The following TRAPPC9 variants were observed in gnomAD, a reference collection of about 807,000 sequenced individuals.
TRAPPC9 encodes IKK2 binding protein.
TRAPPC9 carries 83 observed loss-of-function variants against 124.0 expected under a neutral mutation model. The ratio of observed to expected loss-of-function variants is 0.67; its 90% confidence interval spans 0.56 to 0.80. The LOEUF is 0.80. TRAPPC9 is among the 30% of genes least tolerant of loss of function. TRAPPC9 has a pLI of 0.00. For synonymous variants in TRAPPC9, 638 were observed against 617.5 expected (o/e 1.03, Z -0.49); for missense variants, 1,302 against 1,508.3 (o/e 0.86, Z 2.27).
chr8:140,085,946 C>T (rs931285085), intron 17 of TRAPPC9, among the ~76,000 whole-genome samples: 2 of 151,854 alleles, frequency 1.3e-5, no homozygotes, highest in Non-Finnish European at 1.5e-5. Context: ...TTAGGAATCA[C>T]TGTGGTTTTT....
At chr8:140,276,275 A>G (rs1375944126) in intron 14 of TRAPPC9, among the ~76,000 whole-genome samples, 1 of 152,208 alleles carries the variant, frequency 6.6e-6, no homozygotes, top group African/African-American at 2.4e-5. Flanking sequence ...AGCTGCTAAC[A>G]TAGAGCTGAG....
chr8:140,021,806 C>T (rs1839852274), intron 18 of TRAPPC9, among the ~76,000 whole-genome samples: 1 of 152,232 alleles, frequency 6.6e-6, no homozygotes, highest in Admixed American at 6.5e-5. Context: ...TGCCAAGTCA[C>T]ACTCAGAAAA....
chr8:140,111,851 T>G (rs1336753159), intron 17 of TRAPPC9, among the ~76,000 whole-genome samples: 1 of 152,244 alleles, frequency 6.6e-6, no homozygotes, highest in Non-Finnish European at 1.5e-5. Flanking sequence ...CCTTAAAATA[T>G]TTATGGCTTT....
intron 17 of TRAPPC9, among the ~76,000 whole-genome samples, chr8:140,052,112 G>A (rs1842036550): frequency 6.6e-6 from 1 of 151,906 alleles, no homozygotes; most frequent in African/African-American, 2.4e-5. Context: ...TGGCAAAGAG[G>A]GGTGCGGCCT....
chr8:139,977,617 CAAAA>C (rs368480588), intron 19 of TRAPPC9, among the ~76,000 whole-genome samples: 1 of 111,924 alleles, frequency 8.9e-6, no homozygotes, highest in Non-Finnish European at 1.8e-5. Context: ...GACTCTGTCT[CAAAA>C]AAAAAAAAAA....
chr8:139,885,613 C>A (rs1009950465), intron 21 of TRAPPC9, among the ~76,000 whole-genome samples: 2 of 152,226 alleles, frequency 1.3e-5, no homozygotes, highest in East Asian at 1.9e-4. Context: ...GCCTGCTGCA[C>A]CTGTTTCAAC....
At chr8:139,989,025 T>C (rs1837452777) in intron 18 of TRAPPC9, among the ~76,000 whole-genome samples, 189 bp from the exon 19 acceptor site, 1 of 152,048 alleles carries the variant, frequency 6.6e-6, no homozygotes, top group South Asian at 2.1e-4. Flanking sequence ...AAGGAGTGGG[T>C]GTAGGCATCA....
intron 17 of TRAPPC9, among the ~76,000 whole-genome samples, chr8:140,053,744 G>A (rs1429323804): frequency 1.3e-4 from 20 of 152,186 alleles, no homozygotes; most frequent in Non-Finnish European, 2.1e-4. Flanking sequence ...GATGTTGGGT[G>A]CGTACATACT....
intron 17 of TRAPPC9, among the ~76,000 whole-genome samples, chr8:140,054,576 A>G (rs915217575): frequency 1.3e-5 from 2 of 152,206 alleles, no homozygotes; most frequent in Non-Finnish European, 2.9e-5. Flanking sequence ...AAATAAATGA[A>G]ATAGAGAATA....
At chr8:140,343,446 G>A (rs1169341600) in intron 9 of TRAPPC9, among the ~76,000 whole-genome samples, 8 of 152,228 alleles carry the variant, frequency 5.3e-5, no homozygotes, top group African/African-American at 1.9e-4. Context: ...ACTGGGCCAC[G>A]TCGTGAATCT....
chr8:139,910,021 T>C, intron 20 of TRAPPC9, 126 bp downstream of exon 20: 1 of 1,121,680 alleles, frequency 8.9e-7, no homozygotes, highest in South Asian at 1.5e-5. Flanking sequence ...CACATCTCCT[T>C]GCCACAGCAT....
At chr8:139,790,326 AC>A (rs1822567077) in intron 21 of TRAPPC9, among the ~76,000 whole-genome samples, 1 of 152,188 alleles carries the variant, frequency 6.6e-6, no homozygotes, top group African/African-American at 2.4e-5. Context: ...CGAGCCCACC[AC>A]CTAGAGTTTC....
In TRAPPC9 at chr8:140,029,623, A is replaced by G. The variant is rs560408107; in HGVS notation, c.2557-5544T>C. 6.9e-5 allele frequency among the ~76,000 whole-genome samples: 10 copies of G among 145,192 alleles called. No individual in the cohort carries two copies. In the South Asian group the frequency reaches 2.3e-3, roughly 33 times the overall value. ...ACATGTACCCTAAAACTTTAAGTAT[A>G]ATAATAATAAAATTAAAAATATATA... On this transcript the variant is annotated intron_variant, in intron 17 of 22. Transcript: ENST00000438773.
chr8:140,204,083 G>C (rs1196754422), intron 17 of TRAPPC9, among the ~76,000 whole-genome samples: 2 of 152,072 alleles, frequency 1.3e-5, no homozygotes, highest in Non-Finnish European at 2.9e-5. Flanking sequence ...AAGGTGTTTG[G>C]GTCATGGGAA....
intron 9 of TRAPPC9, among the ~76,000 whole-genome samples, chr8:140,339,605 G>A (rs956732403): frequency 2.6e-5 from 4 of 152,104 alleles, no homozygotes; most frequent in Non-Finnish European, 5.9e-5. Flanking sequence ...ACAAACAAAC[G>A]AGGCCGAACC....
chr8:140,423,133 C>A lies in TRAPPC9; in HGVS notation c.886+3482G>T, dbSNP rs1010062752. Among the ~76,000 whole-genome samples, 4 of 152,240 alleles carry A rather than the reference C, an allele frequency of 2.6e-5. No homozygotes were observed. The East Asian group carries it at 7.7e-4, about 29-fold the overall frequency. ...CCAGCAACTCCCCTTCCTAGACATA[C>A]ACATAATAGAATTTAAAACATATGG... On this transcript the variant is annotated intron_variant, in intron 5 of 22. Coordinates refer to ENST00000438773, the MANE Select transcript of TRAPPC9 (RefSeq NM_001160372.4).
At chr8:139,827,213 G>A (rs906573926) in intron 21 of TRAPPC9, among the ~76,000 whole-genome samples, 22 of 152,224 alleles carry the variant, frequency 1.4e-4, no homozygotes, top group African/African-American at 5.3e-4. Context: ...GCAGGGCCTC[G>A]CGGCTCAGGG....
In TRAPPC9 at chr8:139,888,324, G is replaced by A. The variant is rs554805030; in HGVS notation, c.2965-2355C>T. Among the ~76,000 whole-genome samples the A allele has an allele frequency of 1.5e-4, 23 of 152,308 alleles. No individual in the cohort carries two copies. In the South Asian group the frequency reaches 3.5e-3, roughly 23 times the overall value. On this transcript the variant is annotated intron_variant, in intron 20 of 22. Transcript: ENST00000438773. ...CAACTTTGAATCCTGGCACCCCCAC[G>A]AATGAGCTTTGGTTAATTTACTTAA...
intron 17 of TRAPPC9, among the ~76,000 whole-genome samples, chr8:140,025,899 A>G (rs1840117639): frequency 6.6e-6 from 1 of 152,190 alleles, no homozygotes; most frequent in Admixed American, 6.5e-5. Context: ...CAGTGGTGTT[A>G]AGCACACTCA....
Sources: gnomAD v4.1 joint callset for allele counts (sites outside exome capture counted in the v4.1 genomes callset) on GRCh38, gnomAD v4.1.1 for gene constraint, MANE v1.5 for transcripts, NCBI Gene and HGNC (gene_info 2026-07-23, HGNC 2026-07-21) for gene names.